ARL14EPL: variants seen among roughly 807,000 people sequenced by gnomAD.
ARL14EPL encodes ARL14 effector protein-like.
In ARL14EPL, 17 loss-of-function variants were observed where a neutral mutation model predicts 15.9. That is an observed-to-expected ratio of 1.07 (90% CI 0.73 to 1.60). The LOEUF (loss-of-function observed/expected upper bound fraction) is 1.60, where lower values mean the gene tolerates loss of function less well. Among genes scored for constraint, ARL14EPL ranks in the 40% most tolerant of loss-of-function variants. The pLI is 0.00. For synonymous variants in ARL14EPL, 78 were observed against 63.8 expected, an observed-to-expected ratio of 1.22 and a Z score of -1.06; for missense variants, 214 against 185.9, an observed-to-expected ratio of 1.15 and a Z score of -0.88.
intron 1 of ARL14EPL, among the ~76,000 whole-genome samples, chr5:116,050,014 T>A (rs1341290387): frequency 6.6e-6 from 1 of 152,374 alleles, no homozygotes. Context: ...TGTATACATA[T>A]GTATCTGCTT....
intron 2 of ARL14EPL, among the ~76,000 whole-genome samples, chr5:116,053,595 G>T (rs1749446936): frequency 6.6e-6 from 1 of 152,036 alleles, no homozygotes; most frequent in Non-Finnish European, 1.5e-5. Flanking sequence ...ATCTACTTTG[G>T]GTTCTCACTG....
chr5:116,051,384 A>G (rs1749373659), intron 1 of ARL14EPL, 73 bp from the exon 2 acceptor site: 1 of 924,532 alleles, frequency 1.1e-6, no homozygotes, highest in Admixed American at 2.2e-5. Context: ...GGAGAGTAGA[A>G]AAGAATCACC....
chr5:116,039,196 C>T (rs1167169378), intron 1 of ARL14EPL, among the ~76,000 whole-genome samples: 1 of 152,108 alleles, frequency 6.6e-6, no homozygotes, highest in Non-Finnish European at 1.5e-5. Flanking sequence ...GGGAAGGCTC[C>T]CAAGTCAACA....
intron 1 of ARL14EPL, among the ~76,000 whole-genome samples, chr5:116,034,090 A>C (rs1749006661): frequency 6.6e-6 from 1 of 152,256 alleles, no homozygotes; most frequent in Admixed American, 6.5e-5. Context: ...ACAGATACAC[A>C]TCAGAGGATT....
intron 1 of ARL14EPL, among the ~76,000 whole-genome samples, chr5:116,047,305 A>G (rs1749286009): frequency 6.6e-6 from 1 of 152,236 alleles, no homozygotes; most frequent in Admixed American, 6.5e-5. Flanking sequence ...GATTATTTAA[A>G]GTGCATGCTT....
intron 2 of ARL14EPL, among the ~76,000 whole-genome samples, chr5:116,053,330 T>G (rs1340490510): frequency 7.2e-6 from 1 of 137,972 alleles, no homozygotes; most frequent in East Asian, 2.0e-4. Flanking sequence ...GCAGCCTGGG[T>G]GACAGAGCGA....
intron 3 of ARL14EPL, 55 bp from the exon 4 acceptor site, chr5:116,058,670 C>G: frequency 1.4e-6 from 2 of 1,474,290 alleles, no homozygotes; most frequent in South Asian, 2.4e-5. Context: ...TTAATTTATT[C>G]TCAATGTTGA....
intron 1 of ARL14EPL, among the ~76,000 whole-genome samples, chr5:116,047,325 T>C (rs1749286575): frequency 1.3e-5 from 2 of 152,226 alleles, no homozygotes; most frequent in African/African-American, 4.8e-5. Flanking sequence ...TTCCTATTCC[T>C]TCCCCAGGCT....
chr5:116,058,099 G>A (rs1041376355), intron 3 of ARL14EPL, among the ~76,000 whole-genome samples: 3 of 152,302 alleles, frequency 2.0e-5, no homozygotes, highest in South Asian at 2.1e-4. Context: ...CAGAGCTTAC[G>A]ATGTATGATC....
At chr5:116,048,291 C>A (rs1018655863) in intron 1 of ARL14EPL, among the ~76,000 whole-genome samples, 2 of 152,096 alleles carry the variant, frequency 1.3e-5, no homozygotes, top group Non-Finnish European at 2.9e-5. Context: ...TGGCTTCTAG[C>A]CTGCTTGAAG....
chr5:116,052,115 A>T (rs1749396162), intron 2 of ARL14EPL: 1 of 1,612,658 alleles, frequency 6.2e-7, no homozygotes, highest in Non-Finnish European at 8.5e-7. Flanking sequence ...TTCCTTACAG[A>T]GTTTGTCATA....
chr5:116,036,827 C>T (rs1246521248), intron 1 of ARL14EPL, among the ~76,000 whole-genome samples: 1 of 152,084 alleles, frequency 6.6e-6, no homozygotes, highest in African/African-American at 2.4e-5. Flanking sequence ...TTTAATATAT[C>T]ATAAATTCCA....
At chr5:116,045,002 G>T (rs2112672471) in intron 1 of ARL14EPL, among the ~76,000 whole-genome samples, 1 of 152,228 alleles carries the variant, frequency 6.6e-6, no homozygotes, top group South Asian at 2.1e-4. Flanking sequence ...CAACTCACAT[G>T]AAGAAGCAGG....
chr5:116,034,624 T>A (rs1431277551), intron 1 of ARL14EPL, among the ~76,000 whole-genome samples: 1 of 152,114 alleles, frequency 6.6e-6, no homozygotes, highest in Non-Finnish European at 1.5e-5. Context: ...TACAACGAAG[T>A]AGGGAAGAGA....
At chr5:116,049,398 G>T (rs1749329189) in intron 1 of ARL14EPL, among the ~76,000 whole-genome samples, 1 of 152,172 alleles carries the variant, frequency 6.6e-6, no homozygotes, top group Admixed American at 6.5e-5. Context: ...AGGAATGTTT[G>T]GCTGATCAGG....
At chr5:116,033,010 G>A (rs1289964836) in intron 1 of ARL14EPL, among the ~76,000 whole-genome samples, 1 of 152,010 alleles carries the variant, frequency 6.6e-6, no homozygotes, top group Non-Finnish European at 1.5e-5. Flanking sequence ...TGTTGCCTGG[G>A]CTGGTCTTGA....
In ARL14EPL at chr5:116,040,051, G is replaced by T. The variant is rs151159576; in HGVS notation, c.-10+7546G>T. Reference sequence around the variant, plus strand: ...ATTTTGTTTTGACTATTAAGTTGCTGCCAAACTTTTTACTCTCCCAACTTA... The same window carrying T: ...ATTTTGTTTTGACTATTAAGTTGCTTCCAAACTTTTTACTCTCCCAACTTA... On this transcript the variant is annotated intron_variant, in intron 1 of 3. Coordinates refer to ENST00000686077, the MANE Select transcript of ARL14EPL (RefSeq NM_001195581.2). Among the ~76,000 whole-genome samples, 18 of 152,110 alleles carry T rather than the reference G, an allele frequency of 1.2e-4. No homozygotes were observed. In the East Asian group the frequency reaches 3.3e-3, roughly 28 times the overall value.
intron 1 of ARL14EPL, among the ~76,000 whole-genome samples, chr5:116,050,420 T>C (rs1055586932): frequency 1.3e-5 from 2 of 152,232 alleles, no homozygotes; most frequent in African/African-American, 4.8e-5. Flanking sequence ...GCAAAAGAGA[T>C]GATCTAGTTC....
At chr5:116,032,745 C>T (rs1390270489) in intron 1 of ARL14EPL, among the ~76,000 whole-genome samples, 2 of 152,106 alleles carry the variant, frequency 1.3e-5, no homozygotes, top group African/African-American at 2.4e-5. Context: ...TGGAAGGTAG[C>T]ATATAATTCC....
Sources: allele counts gnomAD v4.1 joint callset (sites outside exome capture counted in the v4.1 genomes callset), GRCh38; gene constraint gnomAD v4.1.1; transcripts MANE v1.5; gene names NCBI Gene and HGNC (gene_info 2026-07-23, HGNC 2026-07-21).